Variants in ALPK3 observed in about 807,000 individuals in gnomAD.
ALPK3 encodes alpha-protein kinase 3.
ALPK3 carries 102 observed loss-of-function variants against 140.0 expected under a neutral mutation model. That is an observed-to-expected ratio of 0.73 (90% CI 0.62 to 0.86). ALPK3 has a LOEUF of 0.86. Ranked by LOEUF, ALPK3 falls within the 40% of genes least tolerant of loss-of-function variation. The probability of loss-of-function intolerance (pLI) is 0.00; values close to 1 mark genes in which losing one functional copy is unlikely to be tolerated. For missense variants in ALPK3, 2,254 were observed against 2,208.2 expected (o/e 1.02, Z -0.42); for synonymous variants, 938 against 898.5 (o/e 1.04, Z -0.79).
In ALPK3 at chr15:84,857,654, C is replaced by T; in HGVS notation, c.2916C>T (p.Ser972=). The T allele has an allele frequency of 6.2e-7, 1 of 1,602,706 alleles. No homozygotes were observed. Among genetic ancestry groups the T allele is most frequent in the South Asian group, 1.1e-5 (1 of 90,092 alleles). The change falls in exon 6 of 14, where the codon AGC becomes AGT. Residue 972 remains serine, a synonymous_variant. Coordinates refer to ENST00000258888, the MANE Select transcript of ALPK3 (RefSeq NM_020778.5). ...NYLLLLLKLS[S]TETSGAGGES... ...TGCTTCTGCTGCTGAAGCTGTCCAG[C>T]ACAGAGACAAGTGGAGCAGGGGGAG...
intron 5 of ALPK3, chr15:84,852,443 T>C (rs1963815831): frequency 5.4e-6 from 1 of 183,852 alleles, no homozygotes; most frequent in African/African-American, 2.4e-5. Context: ...TTGGTTAATC[T>C]TTAAAACTCT....
intron 5 of ALPK3, among the ~76,000 whole-genome samples, chr15:84,848,290 AAATAT>A (rs995105654): frequency 2.6e-5 from 4 of 152,012 alleles, no homozygotes; most frequent in Admixed American, 6.6e-5. Flanking sequence ...TAATGTATGC[AAATAT>A]AATATATAAG....
At chr15:84,827,880 G>C (rs1448783804) in intron 3 of ALPK3, among the ~76,000 whole-genome samples, 1 of 152,158 alleles carries the variant, frequency 6.6e-6, no homozygotes, top group Non-Finnish European at 1.5e-5. Context: ...ATGACTAATG[G>C]CCTTATTTGT....
In ALPK3 at chr15:84,859,388, G is replaced by A. The variant is rs746948254; in HGVS notation, c.3963G>A (p.Arg1321=). Residue 1321 remains arginine, a splice_region_variant and synonymous_variant, in exon 7 of 14, where the codon AGG becomes AGA. Coordinates refer to ENST00000258888, the MANE Select transcript of ALPK3 (RefSeq NM_020778.5). ...AGCGCCCAGTGGGCGAGGTGGGCAG[G>A]AGGTAAGCCAACGACACCACTGCCA... ...KDQRPVGEVG[R]SAGDEGPAAL... 1 of 1,614,078 alleles carries A rather than the reference G, an allele frequency of 6.2e-7. No individual in the cohort carries two copies. Among genetic ancestry groups the A allele is most frequent in the Non-Finnish European group, 8.5e-7 (1 of 1,179,978 alleles).
Position 84,829,028 on chromosome 15 carries a change from T to C in ALPK3, c.304+1423T>C, listed in dbSNP as rs142452418. Among the ~76,000 whole-genome samples, 19 of 152,354 alleles carry C rather than the reference T, an allele frequency of 1.2e-4. No homozygotes were observed. In the East Asian group the frequency reaches 3.7e-3, roughly 29 times the overall value. The stretch of plus-strand genomic sequence containing the variant: ...TTTTTAAAGAAAATTAAATTTTACT[T>C]TGTCAAATAAATATATGCACATAAT... On this transcript the variant is annotated intron_variant, in intron 3 of 13. Transcript: ENST00000258888.
At position 84,858,357 on chromosome 15, in the gene ALPK3, A is replaced by G; in HGVS notation, c.3619A>G (p.Thr1207Ala). 6.4e-7 allele frequency: 1 copy of G among 1,555,032 alleles called. No individual in the cohort carries two copies. Among genetic ancestry groups the G allele is most frequent in the East Asian group, 2.4e-5 (1 of 41,344 alleles). The change falls in exon 6 of 14, where the codon ACT becomes GCT. Residue 1207 changes from threonine (T) to alanine (A), a missense_variant. By Grantham distance (58) the Thr-to-Ala change is moderately conservative. This residue lies in a region of ALPK3 where 2,088 missense variants were observed against 2,022.9 expected (regional missense o/e 1.03). Coordinates refer to ENST00000258888, the MANE Select transcript of ALPK3 (RefSeq NM_020778.5). Reference protein sequence around the residue: ...RKSLVPGSPGTPGRERRSPTQ... With the variant: ...RKSLVPGSPGAPGRERRSPTQ... ...AAGCCTGGTGCCTGGGTCCCCAGGG[A>G]CTCCAGGGCGGGAGAGACGCTCCCC...
intron 9 of ALPK3, among the ~76,000 whole-genome samples, chr15:84,861,391 A>T (rs1475035219): frequency 6.6e-6 from 1 of 152,184 alleles, no homozygotes; most frequent in African/African-American, 2.4e-5. Flanking sequence ...GGGCAAGAAT[A>T]ACTCACAGGT....
chr15:84,868,317 GC>G lies in ALPK3; in HGVS notation c.4981del (p.Leu1661SerfsTer95). On this transcript the variant is annotated frameshift_variant, in exon 14 of 14. Transcript: ENST00000258888. LOFTEE classifies it high-confidence loss of function. ...SQLSPQPQKK[G>X]LPSPQGTRKS... ...CTGAGTCCTCAGCCCCAGAAGAAAG[GC>G]CTCCCTAGTCCTCAGGGCACCCGGA... The G allele has an allele frequency of 6.2e-7, 1 of 1,614,088 alleles. No homozygotes were observed. Among genetic ancestry groups the G allele is most frequent in the Non-Finnish European group, 8.5e-7 (1 of 1,179,992 alleles).
chr15:84,861,499 A>C (rs953716260), intron 9 of ALPK3, among the ~76,000 whole-genome samples: 45 of 152,310 alleles, frequency 3.0e-4, no homozygotes, highest in African/African-American at 1.1e-3. Flanking sequence ...ATTCAGGTGC[A>C]TCTGTGTGAT....
At chr15:84,828,968 C>G (rs933867201) in intron 3 of ALPK3, among the ~76,000 whole-genome samples, 1 of 152,178 alleles carries the variant, frequency 6.6e-6, no homozygotes, top group South Asian at 2.1e-4. Flanking sequence ...TTTTGCACAT[C>G]TCATTTTCTC....
intron 6 of ALPK3, 109 bp from the exon 7 acceptor site, chr15:84,859,134 G>T: frequency 6.8e-7 from 1 of 1,460,838 alleles, no homozygotes; most frequent in Non-Finnish European, 9.3e-7. Flanking sequence ...TCTGTGTGGA[G>T]ACTTGAATCC....
chr15:84,863,481 C>T, intron 10 of ALPK3, 71 bp from the exon 11 acceptor site: 1 of 1,376,970 alleles, frequency 7.3e-7, no homozygotes, highest in Non-Finnish European at 1.0e-6. Flanking sequence ...GTAGCCCACT[C>T]ACTTAGGGGT....
chr15:84,847,208 G>GGAGAGAGAGA lies in ALPK3; in HGVS notation c.1653+6308_1653+6317dup, dbSNP rs55944419. 1.5e-3 allele frequency among the ~76,000 whole-genome samples: 173 copies of GGAGAGAGAGA among 116,634 alleles called. 2 individuals are homozygous for GGAGAGAGAGA. Among genetic ancestry groups the GGAGAGAGAGA allele is most frequent in the African/African-American group, 4.2e-3 (117 of 28,062 alleles). The allele number at this position is 116,634 out of a possible 152,430, so 76.5% of individuals were successfully genotyped here. ...GAGAGAGGAAGGGAGGGAGAAACGG[G>GGAGAGAGAGA]GAGAGAGAGAGAGAGAGAGAGAGAG... On this transcript the variant is annotated intron_variant, in intron 5 of 13. Coordinates refer to ENST00000258888, the MANE Select transcript of ALPK3 (RefSeq NM_020778.5).
chr15:84,858,188 T>C lies in ALPK3; in HGVS notation c.3450T>C (p.Gly1150=), dbSNP rs167379. 1,327,201 of 1,611,784 alleles carry C rather than the reference T, an allele frequency of 0.82. 547,397 individuals carry two copies. Among genetic ancestry groups the C allele is most frequent in the East Asian group, 0.95 (42,656 of 44,786 alleles). Residue 1150 remains glycine (G), a synonymous_variant, in exon 6 of 14, where the codon GGT becomes GGC. Transcript: ENST00000258888. ...AGTTCCCAGGGGAGGCTCTGACAGG[T>C]CTCCCGGCAGCTACACCTGAGGAAC... The part of the protein sequence containing the change: ...EEKFPGEALT[G]LPAATPEELA...
rs1436417206 is a variant in ALPK3 at position 84,866,985 on chromosome 15, A to AT, written c.4724-330dup. 2.6e-5 allele frequency among the ~76,000 whole-genome samples: 4 copies of AT among 152,168 alleles called. No individual in the cohort carries two copies. The South Asian group carries it at 8.3e-4, about 32-fold the overall frequency. On this transcript the variant is annotated intron_variant, in intron 12 of 13. Coordinates refer to ENST00000258888, the MANE Select transcript of ALPK3 (RefSeq NM_020778.5). ...GGCCATTGCACATGGCCAGAGCTCA[A>AT]TTATTGAATGAGTGAGTATGACTTT...
At chr15:84,835,172 G>A (rs1963586048) in intron 3 of ALPK3, among the ~76,000 whole-genome samples, 1 of 152,232 alleles carries the variant, frequency 6.6e-6, no homozygotes, top group Admixed American at 6.5e-5. Context: ...TCTGAGCTGG[G>A]TCCTTGTAGG....
intron 12 of ALPK3, among the ~76,000 whole-genome samples, chr15:84,866,225 A>G (rs1223189087): frequency 1.3e-5 from 2 of 152,246 alleles, no homozygotes; most frequent in African/African-American, 4.8e-5. Flanking sequence ...GAATGCTATG[A>G]ATGCCAAAAG....
Position 84,840,076 on chromosome 15 carries a change from T to C in ALPK3, c.797T>C (p.Ile266Thr). Residue 266 changes from isoleucine (I) to threonine (T), a missense_variant, in exon 5 of 14, where the codon ATC (isoleucine) becomes ACC (threonine). Around this residue, in one of 3 missense-constraint regions of ALPK3, gnomAD observed 2,088 missense variants for 2,022.9 expected, o/e 1.03. Transcript: ENST00000258888. ...ETAQHSGLGL[I>T]NSFASGEVTT... The stretch of plus-strand genomic sequence containing the variant: ...GCTCAGCACTCAGGTTTGGGCCTGA[T>C]CAACAGTTTTGCTTCTGGAGAAGTG... 6.2e-7 allele frequency: 1 copy of C among 1,613,472 alleles called. No individual in the cohort carries two copies. Among genetic ancestry groups the C allele is most frequent in the Non-Finnish European group, 8.5e-7 (1 of 1,179,876 alleles).
Position 84,868,430 on chromosome 15 carries a change from G to A in ALPK3, c.5092G>A (p.Gly1698Ser), listed in dbSNP as rs746485517. Residue 1698 changes from glycine (G) to serine (S), a missense_variant, in exon 14 of 14, where the codon GGC (glycine) becomes AGC (serine). Gly to Ser is a moderately conservative substitution (Grantham distance 56). Transcript: ENST00000258888. ...LLGQPPTQEEGSKAQGMR is the reference protein window; with the variant it reads ...LLGQPPTQEESSKAQGMR ...GGGACAGCCTCCCACCCAAGAGGAG[G>A]GCTCCAAGGCCCAGGGCATGCGGTA... 1.2e-6 allele frequency: 2 copies of A among 1,610,306 alleles called. No individual in the cohort carries two copies. The highest frequency in any genetic ancestry group is 1.7e-6 in the Non-Finnish European group (2 of 1,179,944).
Sources: gnomAD v4.1 joint callset for allele counts (sites outside exome capture counted in the v4.1 genomes callset) on GRCh38, gnomAD v4.1.1 for gene constraint, gnomAD v4.1.1 regional missense constraint, MANE v1.5 for transcripts, NCBI Gene and HGNC (gene_info 2026-07-23, HGNC 2026-07-21) for gene names.